The following RNASEH2A variants were observed in gnomAD, a reference collection of about 807,000 sequenced individuals.
RNASEH2A encodes RNase H(35).
RNASEH2A carries 30 observed loss-of-function variants against 32.7 expected under a neutral mutation model. The observed-to-expected ratio is 0.92, with a 90% CI of 0.69 to 1.25. The LOEUF is 1.25. Among genes scored for constraint, RNASEH2A ranks in the 50% most tolerant of loss-of-function variants. The probability of loss-of-function intolerance (pLI) is 0.00; values close to 1 mark genes in which losing one functional copy is unlikely to be tolerated. For missense variants in RNASEH2A, 409 were observed against 398.1 expected (o/e 1.03, Z -0.23); for synonymous variants, 147 against 165.4 (o/e 0.89, Z 0.86).
In RNASEH2A at chr19:12,809,968, G is replaced by A. The variant is rs139785555; in HGVS notation, c.412-103G>A. The A allele has an allele frequency of 4.9e-5, 71 of 1,448,448 alleles. No individual in the cohort carries two copies. The African/African-American group carries it at 7.7e-4, about 16-fold the overall frequency. The allele number at this position is 1,448,448 out of a possible 1,614,324, so 89.7% of individuals were successfully genotyped here. A position where few individuals can be genotyped will look rare whatever the true frequency, so the allele number is the denominator to read the frequency against. On this transcript the variant is annotated intron_variant, in intron 4 of 7. Transcript: ENST00000221486. Reference sequence around the variant, plus strand: ...GATTGATCCATCCTGGGGACGTGCTGGAGAAGAGGATTCTGGGTAGCAGGA... The same window carrying A: ...GATTGATCCATCCTGGGGACGTGCTAGAGAAGAGGATTCTGGGTAGCAGGA...
In RNASEH2A at chr19:12,807,468, A is replaced by T; in HGVS notation, c.373A>T (p.Ile125Leu). The change falls in exon 4 of 8, where the codon ATA becomes TTA. Residue 125 changes from isoleucine (I) to leucine (L), a missense_variant. By Grantham distance (5) the Ile-to-Leu change is conservative. Coordinates refer to ENST00000221486, the MANE Select transcript of RNASEH2A (RefSeq NM_006397.3). ...GTCACATGATACAGCCACTGGGCTT[A>T]TACAGTATGCATTGGACCAGGGCGT... ...SLSHDTATGL[I>L]QYALDQGVNV... is the part of the protein sequence containing the mutation. 4.3e-6 allele frequency: 7 copies of T among 1,614,212 alleles called. No individual in the cohort carries two copies. Among genetic ancestry groups the T allele is most frequent in the Non-Finnish European group, 5.9e-6 (7 of 1,180,036 alleles).
chr19:12,806,639 T>A lies in RNASEH2A; in HGVS notation c.-35T>A. Reference sequence around the variant, plus strand: ...GCGCCGAGACCCGCTCCTGCAGTATTAGTTCTTGCAGCTGGTGGTGGCGGC... The same window carrying A: ...GCGCCGAGACCCGCTCCTGCAGTATAAGTTCTTGCAGCTGGTGGTGGCGGC... On this transcript the variant is annotated 5_prime_UTR_variant, in exon 1 of 8. Transcript: ENST00000221486. 6.4e-7 allele frequency: 1 copy of A among 1,566,136 alleles called. No homozygotes were observed. The highest frequency in any genetic ancestry group is 8.7e-7 in the Non-Finnish European group (1 of 1,155,336).
chr19:12,808,835 C>G (rs1254908423), intron 4 of RNASEH2A, among the ~76,000 whole-genome samples: 1 of 152,182 alleles, frequency 6.6e-6, no homozygotes, highest in East Asian at 1.9e-4. Flanking sequence ...CGCCTGTAAT[C>G]CCAGCACTTT....
rs150634332 is a variant in RNASEH2A, at chr19:12,809,146, G to A, written c.412-925G>A. On this transcript the variant is annotated intron_variant, in intron 4 of 7. Transcript: ENST00000221486. ...TCCCAGCACTTTGGGAGGCCGAGGC[G>A]GGCGGATCATCAGGTCAGGAGTTCG... Among the ~76,000 whole-genome samples the A allele has an allele frequency of 7.2e-4, 109 of 152,216 alleles. No homozygotes were observed. In the East Asian group the frequency reaches 0.016, roughly 22 times the overall value.
Position 12,807,516 on chromosome 19 carries a change from CTG to C in RNASEH2A, c.411+12_411+13del, listed in dbSNP as rs892250160. On this transcript the variant is annotated intron_variant, in intron 4 of 7. Coordinates refer to ENST00000221486, the MANE Select transcript of RNASEH2A (RefSeq NM_006397.3). ...CGTGAACGTCACCCAGGTGAGTTAA[CTG>C]TAAGTTGTCCCCATTTGGTCATCTC... The C allele has an allele frequency of 2.5e-6, 4 of 1,609,720 alleles. No homozygotes were observed. The highest frequency in any genetic ancestry group is 3.4e-6 in the Non-Finnish European group (4 of 1,176,100).
In RNASEH2A at chr19:12,813,386, A is replaced by G; in HGVS notation, c.820A>G (p.Asn274Asp). 1 of 1,614,128 alleles carries G rather than the reference A, an allele frequency of 6.2e-7. No individual in the cohort carries two copies. The highest frequency in any genetic ancestry group is 1.3e-5 in the African/African-American group (1 of 75,028). The change falls in exon 8 of 8, where the codon AAT becomes GAT. Residue 274 changes from asparagine to aspartate, a missense_variant. Asn to Asp is a conservative substitution (Grantham distance 23). Transcript: ENST00000221486. ...GLRKITSYFL[N>D]EGSQARPRSS... is the part of the protein sequence containing the mutation. Reference sequence around the variant, plus strand: ...CAGGAAGATCACATCCTACTTCCTCAATGAAGGGTCCCAAGCCCGTCCCCG... The same window carrying G: ...CAGGAAGATCACATCCTACTTCCTCGATGAAGGGTCCCAAGCCCGTCCCCG...
Position 12,810,183 on chromosome 19 carries a change from T to C in RNASEH2A, c.524T>C (p.Val175Ala). Residue 175 changes from valine (V) to alanine (A), a missense_variant, in exon 5 of 8, where the codon GTT (valine) becomes GCT (alanine). By Grantham distance (64) the Val-to-Ala change is moderately conservative (BLOSUM62 0). Transcript: ENST00000221486. ...AAAGCAGATGCCCTCTACCCGGTGG[T>C]TAGTGCTGCCAGCATCTGTGCCAAG... The part of the protein sequence containing the change: ...KAKADALYPV[V>A]SAASICAKVA... 1 of 1,614,180 alleles carries C rather than the reference T, an allele frequency of 6.2e-7. No individual in the cohort carries two copies. Among genetic ancestry groups the C allele is most frequent in the Non-Finnish European group, 8.5e-7 (1 of 1,180,030 alleles).
At position 12,810,335 on chromosome 19, in the gene RNASEH2A, G is replaced by A. The variant is rs370225385; in HGVS notation, c.568G>A (p.Val190Met). The A allele has an allele frequency of 6.3e-5, 102 of 1,614,144 alleles. No individual in the cohort carries two copies. In the East Asian group the frequency reaches 6.5e-4, roughly 10 times the overall value. Residue 190 changes from valine to methionine, a missense_variant, in exon 6 of 8, where the codon GTG becomes ATG. By Grantham distance (21) the Val-to-Met change is conservative. Coordinates refer to ENST00000221486, the MANE Select transcript of RNASEH2A (RefSeq NM_006397.3). ...ICAKVARDQA[V>M]KKWQFVEKLQ... ...CCCACAGGTGGCCCGGGACCAGGCC[G>A]TGAAGAAATGGCAGTTCGTGGAGAA... is the stretch of plus-strand genomic sequence containing the variant.
rs1167984734 is a variant in RNASEH2A at position 12,807,318 on chromosome 19, C to T, written c.312C>T (p.Ser104=). ...DVLSPNLIST[S]MLGRVKYNLN... ...TGTCTCCAAACCTCATCTCTACCAG[C>T]ATGCTTGGGCGGTGAGGGGTCCCCG... The change falls in exon 3 of 8, where the codon AGC becomes AGT. Residue 104 remains serine, a synonymous_variant. Coordinates refer to ENST00000221486, the MANE Select transcript of RNASEH2A (RefSeq NM_006397.3). 1 of 1,614,178 alleles carries T rather than the reference C, an allele frequency of 6.2e-7. No homozygotes were observed. The highest frequency in any genetic ancestry group is 8.5e-7 in the Non-Finnish European group (1 of 1,180,034).
In RNASEH2A at chr19:12,810,416, C is replaced by A; in HGVS notation, c.637+12C>A. On this transcript the variant is annotated intron_variant, in intron 6 of 7. Transcript: ENST00000221486. The stretch of plus-strand genomic sequence containing the variant: ...AGGCTACCCCAATGGTGAGCAGACA[C>A]GTGACCATGGTACTAATGTTGAAAT... The A allele has an allele frequency of 1.2e-6, 2 of 1,609,630 alleles. No individual in the cohort carries two copies. The highest frequency in any genetic ancestry group is 1.7e-6 in the Non-Finnish European group (2 of 1,175,864).
intron 2 of RNASEH2A, 43 bp from the exon 3 acceptor site, chr19:12,807,163 G>A: frequency 6.2e-7 from 1 of 1,614,132 alleles, no homozygotes; most frequent in East Asian, 2.2e-5. Flanking sequence ...GGCAGGAACT[G>A]GGAGAACCAG....
intron 6 of RNASEH2A, among the ~76,000 whole-genome samples, chr19:12,811,360 A>G (rs1255603105): frequency 6.6e-6 from 1 of 152,144 alleles, no homozygotes; most frequent in Non-Finnish European, 1.5e-5. Flanking sequence ...CTGTAATCCC[A>G]GCACTTTGGG....
chr19:12,810,339 A>G lies in RNASEH2A; in HGVS notation c.572A>G (p.Lys191Arg), dbSNP rs748699424. The change falls in exon 6 of 8, where the codon AAG becomes AGG. Residue 191 changes from lysine to arginine, a missense_variant. Transcript: ENST00000221486. ...CAKVARDQAVKKWQFVEKLQD... is the reference protein window; with the variant it reads ...CAKVARDQAVRKWQFVEKLQD... ...CAGGTGGCCCGGGACCAGGCCGTGA[A>G]GAAATGGCAGTTCGTGGAGAAACTG... The G allele has an allele frequency of 3.1e-6, 5 of 1,614,058 alleles. No homozygotes were observed. The highest frequency in any genetic ancestry group is 3.4e-6 in the Non-Finnish European group (4 of 1,180,030).
chr19:12,807,815 C>T (rs1969018083), intron 4 of RNASEH2A: 1 of 383,844 alleles, frequency 2.6e-6, no homozygotes, highest in Non-Finnish European at 5.0e-6. Flanking sequence ...GCCTGTAATC[C>T]TAGCTACTCA....
intron 6 of RNASEH2A, among the ~76,000 whole-genome samples, chr19:12,812,616 G>T (rs1304873578): frequency 6.6e-6 from 1 of 152,186 alleles, no homozygotes; most frequent in Non-Finnish European, 1.5e-5. Context: ...TCCCTGCACT[G>T]CCCTTTTAGC....
At position 12,813,590 on chromosome 19, in the gene RNASEH2A, T is replaced by G; in HGVS notation, c.*124T>G. On this transcript the variant is annotated 3_prime_UTR_variant, in exon 8 of 8. Coordinates refer to ENST00000221486, the MANE Select transcript of RNASEH2A (RefSeq NM_006397.3). ...GGTGGGAGTGTGCTCTGCAGCCGGG[T>G]CCAGCTACTTCCTTTTGGAACCTTA... The G allele has an allele frequency of 1.7e-6, 2 of 1,162,348 alleles. No homozygotes were observed. Among genetic ancestry groups the G allele is most frequent in the Non-Finnish European group, 2.5e-6 (2 of 788,196 alleles). The allele number at this position is 1,162,348 out of a possible 1,614,324, so 72.0% of individuals were successfully genotyped here.
At chr19:12,810,251 A>G (rs371194208) in intron 5 of RNASEH2A, 43 bp downstream of exon 5, 3 of 1,614,160 alleles carry the variant, frequency 1.9e-6, no homozygotes, top group Admixed American at 3.3e-5. Flanking sequence ...CCATCCCACT[A>G]TATAGGGGCC....
At position 12,806,629 on chromosome 19, in the gene RNASEH2A, C is replaced by A; in HGVS notation, c.-45C>A. 2 of 1,559,814 alleles carry A rather than the reference C, an allele frequency of 1.3e-6. No homozygotes were observed. Among genetic ancestry groups the A allele is most frequent in the South Asian group, 1.2e-5 (1 of 84,722 alleles). ...CGGAAAACGCGCGCCGAGACCCGCT[C>A]CTGCAGTATTAGTTCTTGCAGCTGG... On this transcript the variant is annotated 5_prime_UTR_variant, in exon 1 of 8. Coordinates refer to ENST00000221486, the MANE Select transcript of RNASEH2A (RefSeq NM_006397.3).
intron 4 of RNASEH2A, 97 bp from the exon 5 acceptor site, chr19:12,809,974 G>A: frequency 6.7e-7 from 1 of 1,490,354 alleles, no homozygotes. Context: ...TGCTGGAGAA[G>A]AGGATTCTGG....
Sources: gnomAD v4.1 joint callset for allele counts (sites outside exome capture counted in the v4.1 genomes callset) on GRCh38, gnomAD v4.1.1 for gene constraint, MANE v1.5 for transcripts, NCBI Gene and HGNC (gene_info 2026-07-23, HGNC 2026-07-21) for gene names.